Variants in VPS13D observed in about 807,000 individuals in gnomAD.
VPS13D encodes the protein vacuolar protein sorting 13 homolog D.
VPS13D carries 187 observed loss-of-function variants against 461.9 expected under a neutral mutation model. The observed-to-expected ratio is 0.40, with a 90% CI of 0.36 to 0.46. The LOEUF is 0.46. Ranked by LOEUF, VPS13D falls within the 20% of genes least tolerant of loss-of-function variation. The pLI is 0.60. For synonymous variants in VPS13D, 1,951 were observed against 1,986.3 expected, an observed-to-expected ratio of 0.98 and a Z score of 0.47; for missense variants, 4,711 against 5,364.9, an observed-to-expected ratio of 0.88 and a Z score of 3.81.
intron 67 of VPS13D, among the ~76,000 whole-genome samples, chr1:12,470,860 C>G (rs1367195484): frequency 6.6e-6 from 1 of 152,132 alleles, no homozygotes; most frequent in Non-Finnish European, 1.5e-5. Flanking sequence ...TTTTTTCCCT[C>G]ATTACCGGGT....
At chr1:12,488,578 GA>G (rs1365719682) in intron 67 of VPS13D, among the ~76,000 whole-genome samples, 1 of 140,946 alleles carries the variant, frequency 7.1e-6, no homozygotes, top group Non-Finnish European at 1.5e-5. Context: ...TCATTTGCCA[GA>G]AATAAATCTG....
intron 60 of VPS13D, among the ~76,000 whole-genome samples, chr1:12,388,648 A>G (rs1225959692): frequency 6.6e-6 from 1 of 152,144 alleles, no homozygotes; most frequent in Admixed American, 6.6e-5. Flanking sequence ...CAGGGAAAGG[A>G]ATAGATAGGA....
At chr1:12,293,739 G>A (rs1349732521) in intron 24 of VPS13D, 35 bp downstream of exon 24, 1 of 1,596,092 alleles carries the variant, frequency 6.3e-7, no homozygotes, top group Non-Finnish European at 8.5e-7. Context: ...TGCTTTTCCA[G>A]TTTGACTGAT....
chr1:12,241,844 G>C (rs1007982512), intron 2 of VPS13D, among the ~76,000 whole-genome samples: 2 of 152,058 alleles, frequency 1.3e-5, no homozygotes, highest in African/African-American at 4.8e-5. Context: ...GGAGGGGTTG[G>C]GGGTGGAAGG....
Position 12,293,724 on chromosome 1 carries a change from C to T in VPS13D, c.6033+20C>T, listed in dbSNP as rs769636628. 6.2e-7 allele frequency: 1 copy of T among 1,606,434 alleles called. No individual in the cohort carries two copies. Among genetic ancestry groups the T allele is most frequent in the South Asian group, 1.1e-5 (1 of 89,938 alleles). On this transcript the variant is annotated intron_variant, in intron 24 of 69. Coordinates refer to ENST00000620676, the MANE Select transcript of VPS13D (RefSeq NM_015378.4). ...CAGACGGTAGGTAGCCTGGGCCCTC[C>T]AAGCTGCTTTTCCAGTTTGACTGAT...
chr1:12,391,384 A>G (rs1258533030), intron 60 of VPS13D, among the ~76,000 whole-genome samples: 2 of 152,154 alleles, frequency 1.3e-5, no homozygotes, highest in African/African-American at 4.8e-5. Flanking sequence ...CCATCAGTGC[A>G]GGCTAGGGGA....
chr1:12,406,587 A>C (rs1032680443), intron 63 of VPS13D, among the ~76,000 whole-genome samples: 7 of 152,224 alleles, frequency 4.6e-5, no homozygotes, highest in Non-Finnish European at 1.0e-4. Context: ...AAGCAGTTTC[A>C]CATCTGCTAT....
intron 63 of VPS13D, among the ~76,000 whole-genome samples, chr1:12,405,993 C>T (rs530323237): frequency 2.0e-5 from 3 of 152,278 alleles, no homozygotes; most frequent in South Asian, 2.1e-4. Context: ...TGTGTGCGCT[C>T]GGCATACAAT....
In VPS13D at chr1:12,354,187, C is replaced by G; in HGVS notation, c.9645C>G (p.Leu3215=). The G allele has an allele frequency of 6.2e-7, 1 of 1,614,072 alleles. No homozygotes were observed. The highest frequency in any genetic ancestry group is 8.5e-7 in the Non-Finnish European group (1 of 1,180,010). The change falls in exon 47 of 70, where the codon CTC becomes CTG. Residue 3215 remains leucine (L), a synonymous_variant. Coordinates refer to ENST00000620676, the MANE Select transcript of VPS13D (RefSeq NM_015378.4). Reference sequence around the variant, plus strand: ...TGAAACCTGGCAAGGAGGCAGCTCTCCATACAGCTGATACATCCCAGAACA... The same window carrying G: ...TGAAACCTGGCAAGGAGGCAGCTCTGCATACAGCTGATACATCCCAGAACA... ...GTLKPGKEAA[L]HTADTSQNIE...
At chr1:12,303,418 A>T (rs1642478452) in intron 25 of VPS13D, among the ~76,000 whole-genome samples, 1 of 152,258 alleles carries the variant, frequency 6.6e-6, no homozygotes, top group South Asian at 2.1e-4. Context: ...AACCAACTAC[A>T]GAGAGGATGT....
rs745918316 is a variant in VPS13D at position 12,355,916 on chromosome 1, T to A, written c.9697T>A (p.Phe3233Ile). The change falls in exon 48 of 70, where the codon TTC becomes ATC. Residue 3233 changes from phenylalanine to isoleucine, a missense_variant. Coordinates refer to ENST00000620676, the MANE Select transcript of VPS13D (RefSeq NM_015378.4). Reference sequence around the variant, plus strand: ...TTCTTTAGGGGTATCACTGGAGAATTTCCCCCTCTGTAAAGAATTGCTCAT... The same window carrying A: ...TTCTTTAGGGGTATCACTGGAGAATATCCCCCTCTGTAAAGAATTGCTCAT... ...NIELGVSLENFPLCKELLIPP... is the reference protein window; with the variant it reads ...NIELGVSLENIPLCKELLIPP... 6.3e-7 allele frequency: 1 copy of A among 1,591,070 alleles called. No homozygotes were observed. Among genetic ancestry groups the A allele is most frequent in the Non-Finnish European group, 8.6e-7 (1 of 1,164,608 alleles).
Position 12,499,423 on chromosome 1 carries a change from A to T in VPS13D, c.12794+1792A>T, listed in dbSNP as rs899584720. 5 of 981,432 alleles carry T rather than the reference A, an allele frequency of 5.1e-6. No individual in the cohort carries two copies. The African/African-American group carries it at 8.7e-5, about 17-fold the overall frequency. 60.8% of individuals were successfully genotyped at this position (981,432 alleles called of 1,614,324 possible). A position where few individuals can be genotyped will look rare whatever the true frequency, so the allele number is the denominator to read the frequency against. On this transcript the variant is annotated intron_variant, in intron 68 of 69. Coordinates refer to ENST00000620676, the MANE Select transcript of VPS13D (RefSeq NM_015378.4). ...ATGTTTTCTTTTCACTTTCCTCCCCAACTCACCTCTATTCAAGTCGAACTA... is the reference window on the plus strand; with the variant it reads ...ATGTTTTCTTTTCACTTTCCTCCCCTACTCACCTCTATTCAAGTCGAACTA...
Position 12,373,768 on chromosome 1 carries a change from C to A in VPS13D, c.10827C>A (p.Gly3609=). Residue 3609 remains glycine, a synonymous_variant, in exon 55 of 70, where the codon GGC becomes GGA. Transcript: ENST00000620676. The stretch of plus-strand genomic sequence containing the variant: ...ATTCTAGCTTGCAGGAGGGAACAGG[C>A]AGGCCTGTGGCTTCCAACAAGGCCA... ...YTFSGLQEGT[G]RPVASNKAIT... is the part of the protein sequence containing the mutation. The A allele has an allele frequency of 6.5e-7, 1 of 1,533,844 alleles. No homozygotes were observed. Among genetic ancestry groups the A allele is most frequent in the Non-Finnish European group, 8.7e-7 (1 of 1,146,124 alleles).
At chr1:12,287,597 C>G (rs1238506412) in intron 21 of VPS13D, among the ~76,000 whole-genome samples, 1 of 152,228 alleles carries the variant, frequency 6.6e-6, no homozygotes, top group Non-Finnish European at 1.5e-5. Context: ...TTGTTGGGAA[C>G]TGACTCAACA....
At chr1:12,246,635 G>A (rs961639845) in intron 5 of VPS13D, among the ~76,000 whole-genome samples, 10 of 152,242 alleles carry the variant, frequency 6.6e-5, no homozygotes, top group African/African-American at 2.4e-4. Flanking sequence ...TTCAGTAAAC[G>A]TGCTATAAGA....
intron 52 of VPS13D, 45 bp from the exon 53 acceptor site, chr1:12,368,423 G>T: frequency 6.4e-7 from 1 of 1,560,070 alleles, no homozygotes; most frequent in Non-Finnish European, 8.7e-7. Flanking sequence ...ATGGCATCTT[G>T]TCTCCTACAT....
intron 68 of VPS13D, among the ~76,000 whole-genome samples, chr1:12,500,520 C>T (rs1179732955): frequency 6.6e-6 from 1 of 151,940 alleles, no homozygotes; most frequent in East Asian, 1.9e-4. Flanking sequence ...TAGGGTGGCT[C>T]CTGCCTTTTA....
intron 63 of VPS13D, among the ~76,000 whole-genome samples, chr1:12,408,830 C>T (rs1299090872): frequency 6.6e-6 from 1 of 152,192 alleles, no homozygotes; most frequent in Non-Finnish European, 1.5e-5. Context: ...TGACATCTGT[C>T]CTTTCTGGTT....
At chr1:12,256,575 CGT>C in intron 8 of VPS13D, 72 bp downstream of exon 8, 2 of 1,528,752 alleles carry the variant, frequency 1.3e-6, no homozygotes, top group Non-Finnish European at 1.8e-6. Context: ...TTGATATTAA[CGT>C]ATCCTCAGCA....
Sources: gnomAD v4.1 joint callset for allele counts (sites outside exome capture counted in the v4.1 genomes callset) on GRCh38, gnomAD v4.1.1 for gene constraint, MANE v1.5 for transcripts, NCBI Gene and HGNC (gene_info 2026-07-23, HGNC 2026-07-21) for gene names.